Variants in SLC25A13 observed in about 807,000 individuals in gnomAD.
SLC25A13 encodes electrogenic aspartate/glutamate antiporter SLC25A13, mitochondrial.
SLC25A13 carries 70 observed loss-of-function variants against 85.5 expected under a neutral mutation model. That is an observed-to-expected ratio of 0.82 (90% CI 0.68 to 1.00). SLC25A13 has a LOEUF of 1.00. Ranked by LOEUF, SLC25A13 falls within the 50% of genes least tolerant of loss-of-function variation. The pLI is 0.00. For missense variants in SLC25A13, 765 were observed against 819.8 expected (o/e 0.93, Z 0.82); for synonymous variants, 259 against 288.7 (o/e 0.90, Z 1.04).
At chr7:96,165,132 CT>C (rs2116556943) in intron 13 of SLC25A13, among the ~76,000 whole-genome samples, 1 of 152,252 alleles carries the variant, frequency 6.6e-6, no homozygotes, top group South Asian at 2.1e-4. Flanking sequence ...AAGATCCCTG[CT>C]TTTGCAGAAC....
intron 4 of SLC25A13, among the ~76,000 whole-genome samples, chr7:96,216,614 T>A (rs1051809453): frequency 1.3e-5 from 2 of 152,180 alleles, no homozygotes; most frequent in African/African-American, 4.8e-5. Context: ...TCGACGGAGC[T>A]GGAGGCCGTT....
At chr7:96,207,438 G>A (rs1371233917) in intron 5 of SLC25A13, among the ~76,000 whole-genome samples, 3 of 152,052 alleles carry the variant, frequency 2.0e-5, no homozygotes, top group African/African-American at 4.8e-5. Context: ...CTCTGGCAAG[G>A]TCTGGAACAC....
At chr7:96,186,131 C>A (rs1249288302) in intron 9 of SLC25A13, among the ~76,000 whole-genome samples, 1 of 151,910 alleles carries the variant, frequency 6.6e-6, no homozygotes, top group East Asian at 1.9e-4. Context: ...ATGTACATAA[C>A]CTCTGAAGTT....
intron 3 of SLC25A13, among the ~76,000 whole-genome samples, chr7:96,243,859 A>AGGTGCCGGGCATAAAAG (rs1224699388): frequency 6.6e-6 from 1 of 152,084 alleles, no homozygotes; most frequent in East Asian, 1.9e-4. Context: ...AGGATGAGGG[A>AGGTGCCGGGCATAAAAG]GGTGCCGGGC....
At chr7:96,209,863 A>G (rs570008573) in intron 4 of SLC25A13, among the ~76,000 whole-genome samples, 1 of 152,340 alleles carries the variant, frequency 6.6e-6, no homozygotes, top group South Asian at 2.1e-4. Flanking sequence ...TAGCATATTA[A>G]TAATTTTTCC....
At chr7:96,205,954 A>G (rs1196741524) in intron 5 of SLC25A13, among the ~76,000 whole-genome samples, 2 of 152,266 alleles carry the variant, frequency 1.3e-5, no homozygotes, top group South Asian at 2.1e-4. Context: ...ACAAAAAAAA[A>G]AAAAGGAACT....
At chr7:96,284,200 T>C (rs1798800803) in intron 2 of SLC25A13, among the ~76,000 whole-genome samples, 1 of 151,972 alleles carries the variant, frequency 6.6e-6, no homozygotes, top group African/African-American at 2.4e-5. Context: ...TATTTTTTTC[T>C]CCTAAGGGGA....
At chr7:96,157,453 T>C (rs544268036) in intron 13 of SLC25A13, among the ~76,000 whole-genome samples, 1 of 152,170 alleles carries the variant, frequency 6.6e-6, no homozygotes, top group African/African-American at 2.4e-5. Flanking sequence ...AATGACTTCA[T>C]TGTTGACACT....
chr7:96,211,352 C>T (rs1249819369), intron 4 of SLC25A13, among the ~76,000 whole-genome samples: 1 of 152,042 alleles, frequency 6.6e-6, no homozygotes, highest in Non-Finnish European at 1.5e-5. Context: ...TAAGATATCT[C>T]TCAGATCTAA....
chr7:96,195,873 T>G (rs1795040910), intron 5 of SLC25A13, among the ~76,000 whole-genome samples: 2 of 152,218 alleles, frequency 1.3e-5, no homozygotes, highest in African/African-American at 4.8e-5. Context: ...GGTGGCCCCC[T>G]GTCTGAATAT....
intron 3 of SLC25A13, among the ~76,000 whole-genome samples, chr7:96,246,415 A>C (rs760948285): frequency 1.3e-5 from 2 of 152,234 alleles, no homozygotes; most frequent in Non-Finnish European, 2.9e-5. Context: ...CTCTGAAGCA[A>C]GGTAATGATG....
chr7:96,171,740 C>T (rs1307177449), intron 11 of SLC25A13, among the ~76,000 whole-genome samples: 2 of 152,118 alleles, frequency 1.3e-5, no homozygotes, highest in Non-Finnish European at 2.9e-5. Context: ...CATTCTGGAT[C>T]GTTTGCACAT....
intron 5 of SLC25A13, among the ~76,000 whole-genome samples, chr7:96,195,216 G>A (rs1165364703): frequency 6.6e-6 from 1 of 152,134 alleles, no homozygotes; most frequent in Admixed American, 6.5e-5. Flanking sequence ...CCCCAACCCA[G>A]TGCTCAAACC....
intron 4 of SLC25A13, among the ~76,000 whole-genome samples, chr7:96,224,257 C>T (rs959082917): frequency 6.6e-6 from 1 of 152,172 alleles, no homozygotes; most frequent in Non-Finnish European, 1.5e-5. Flanking sequence ...CTTTGCCCCA[C>T]TCTAGTCAAC....
chr7:96,149,683 C>T (rs1430288050), intron 13 of SLC25A13, among the ~76,000 whole-genome samples: 4 of 152,246 alleles, frequency 2.6e-5, no homozygotes, highest in Non-Finnish European at 2.9e-5. Context: ...CCTTTGGAGT[C>T]GAACTGGAAG....
chr7:96,175,941 T>C (rs1318544847), intron 11 of SLC25A13, among the ~76,000 whole-genome samples: 1 of 152,212 alleles, frequency 6.6e-6, no homozygotes, highest in Non-Finnish European at 1.5e-5. Flanking sequence ...ATAAGAACCA[T>C]TCTTGTAGTG....
chr7:96,145,430 T>C (rs1792744512), intron 14 of SLC25A13, among the ~76,000 whole-genome samples: 1 of 152,162 alleles, frequency 6.6e-6, no homozygotes, highest in South Asian at 2.1e-4. Flanking sequence ...AGTAAAAAAG[T>C]ATTTCTGGGA....
At chr7:96,192,229 T>C (rs949629368) in intron 6 of SLC25A13, among the ~76,000 whole-genome samples, 5 of 152,166 alleles carry the variant, frequency 3.3e-5, no homozygotes, top group Non-Finnish European at 5.9e-5. Flanking sequence ...TGGTAAGCAC[T>C]GTGGGAAACC....
At chr7:96,208,142 CA>C (rs1300175703) in intron 5 of SLC25A13, among the ~76,000 whole-genome samples, 1 of 152,086 alleles carries the variant, frequency 6.6e-6, no homozygotes, top group Admixed American at 6.5e-5. Flanking sequence ...TGTCCATTTC[CA>C]GGGGAAAACA....
Sources: gnomAD v4.1 joint callset for allele counts (sites outside exome capture counted in the v4.1 genomes callset) on GRCh38, gnomAD v4.1.1 for gene constraint, MANE v1.5 for transcripts, NCBI Gene and HGNC (gene_info 2026-07-23, HGNC 2026-07-21) for gene names.